The following GRIP1 variants were observed in gnomAD, a reference collection of about 807,000 sequenced individuals.
The protein encoded by GRIP1 is glutamate receptor interacting protein 1.
In GRIP1, 45 loss-of-function variants were observed where a neutral mutation model predicts 129.9. The ratio of observed to expected loss-of-function variants is 0.35; its 90% CI spans 0.27 to 0.44. The LOEUF is 0.44. GRIP1 is among the 20% of genes least tolerant of loss of function. The pLI is 1.00. For missense variants in GRIP1, 1,196 were observed against 1,396.8 expected (o/e 0.86, Z 2.29); for synonymous variants, 530 against 520.8 (o/e 1.02, Z -0.24).
At chr12:66,401,609 T>TATATATATACACACACAC (rs1169241331) in intron 16 of GRIP1, among the ~76,000 whole-genome samples, 13 of 110,188 alleles carry the variant, frequency 1.2e-4, no homozygotes, top group African/African-American at 3.7e-4. Flanking sequence ...TATATATATA[T>TATATATATACACACACAC]ACACACACAC....
chr12:66,898,650 A>G (rs1231388472), intron 1 of GRIP1, among the ~76,000 whole-genome samples: 3 of 152,196 alleles, frequency 2.0e-5, no homozygotes, highest in Admixed American at 1.3e-4. Context: ...CTTTCATAAG[A>G]GAAAGAGATT....
intron 1 of GRIP1, among the ~76,000 whole-genome samples, chr12:67,021,188 T>C (rs1437756507): frequency 6.6e-6 from 1 of 152,160 alleles, no homozygotes; most frequent in African/African-American, 2.4e-5. Flanking sequence ...CAAGATGGAA[T>C]TGGATATCCA....
intron 13 of GRIP1, among the ~76,000 whole-genome samples, chr12:66,442,357 G>A (rs2058493835): frequency 1.3e-5 from 2 of 151,838 alleles, no homozygotes; most frequent in African/African-American, 2.4e-5. Flanking sequence ...TCCCTAGCAC[G>A]CCTCTTCCGA....
intron 1 of GRIP1, among the ~76,000 whole-genome samples, chr12:66,641,109 A>T (rs1268097541): frequency 6.6e-6 from 1 of 152,250 alleles, no homozygotes; most frequent in East Asian, 1.9e-4. Flanking sequence ...TTTATCTGAC[A>T]TGCTGAGGTA....
At chr12:67,015,013 T>C (rs966460172) in intron 1 of GRIP1, among the ~76,000 whole-genome samples, 1 of 152,166 alleles carries the variant, frequency 6.6e-6, no homozygotes, top group African/African-American at 2.4e-5. Context: ...AAAATAAATA[T>C]TCACTTCTCC....
chr12:67,061,325 T>C (rs1342262733), intron 1 of GRIP1, among the ~76,000 whole-genome samples: 2 of 152,190 alleles, frequency 1.3e-5, no homozygotes, highest in African/African-American at 4.8e-5. Flanking sequence ...ATTAATAGCT[T>C]TCACCTCTAA....
chr12:66,757,807 A>G (rs2037343907), intron 1 of GRIP1, among the ~76,000 whole-genome samples: 1 of 152,180 alleles, frequency 6.6e-6, no homozygotes, highest in African/African-American at 2.4e-5. Flanking sequence ...GTAAGACGAT[A>G]TCTCACTGTA....
At chr12:66,740,503 T>C (rs1373984364) in intron 1 of GRIP1, among the ~76,000 whole-genome samples, 1 of 152,230 alleles carries the variant, frequency 6.6e-6, no homozygotes, top group Non-Finnish European at 1.5e-5. Context: ...ATGGCATAGA[T>C]GGTTTGAAAC....
At chr12:66,778,299 A>G (rs1257970176) in intron 1 of GRIP1, among the ~76,000 whole-genome samples, 1 of 152,198 alleles carries the variant, frequency 6.6e-6, no homozygotes, top group East Asian at 1.9e-4. Context: ...TATTATTAAA[A>G]GTGGCAAAAA....
intron 20 of GRIP1, among the ~76,000 whole-genome samples, chr12:66,377,668 A>C (rs1440291479): frequency 1.3e-4 from 18 of 134,588 alleles, no homozygotes; most frequent in Non-Finnish European, 2.1e-4. Context: ...GATTCAGAAT[A>C]TCTCTCCTTC....
In GRIP1 at chr12:66,348,707, T is replaced by G. The variant is rs756415022; in HGVS notation, c.*312A>C. ...AACAGATGTTTCTCTTTTTAAAAAG[T>G]GATAGTAAGATGAACTTGTAAAAAA... On this transcript the variant is annotated 3_prime_UTR_variant, in exon 25 of 25. Coordinates refer to ENST00000359742, the MANE Select transcript of GRIP1 (RefSeq NM_001366722.1). 3.0e-6 allele frequency: 1 copy of G among 334,830 alleles called. No individual in the cohort carries two copies. Among genetic ancestry groups the G allele is most frequent in the Non-Finnish European group, 5.5e-6 (1 of 181,158 alleles). The allele number at this position is 334,830 out of a possible 1,614,324, so 20.7% of individuals were successfully genotyped here.
At chr12:66,981,213 G>A (rs2042238366) in intron 1 of GRIP1, among the ~76,000 whole-genome samples, 1 of 152,198 alleles carries the variant, frequency 6.6e-6, no homozygotes, top group Non-Finnish European at 1.5e-5. Context: ...TGATCTACAA[G>A]CTGGAAGTGA....
chr12:67,023,158 T>C (rs2052878702), intron 1 of GRIP1, among the ~76,000 whole-genome samples: 1 of 152,188 alleles, frequency 6.6e-6, no homozygotes, highest in Non-Finnish European at 1.5e-5. Context: ...TTAATTTGTG[T>C]GTGTTTAGAT....
intron 7 of GRIP1, 79 bp from the exon 8 acceptor site, chr12:66,465,501 T>C: frequency 5.9e-6 from 7 of 1,196,540 alleles, no homozygotes; most frequent in Admixed American, 5.6e-5. Flanking sequence ...TGAAGAATAT[T>C]CAGTTTGGTG....
intron 5 of GRIP1, among the ~76,000 whole-genome samples, chr12:66,526,080 C>T (rs1336849880): frequency 6.6e-6 from 1 of 151,824 alleles, no homozygotes; most frequent in African/African-American, 2.4e-5. Context: ...TAGGAAGAAT[C>T]AACGTGAAAA....
intron 5 of GRIP1, among the ~76,000 whole-genome samples, chr12:66,519,090 T>A (rs1321776770): frequency 6.6e-6 from 1 of 150,616 alleles, no homozygotes; most frequent in Non-Finnish European, 1.5e-5. Flanking sequence ...CAGATGGACA[T>A]TTCCCAAACC....
intron 5 of GRIP1, among the ~76,000 whole-genome samples, chr12:66,523,848 C>G (rs1381015862): frequency 6.6e-6 from 1 of 151,720 alleles, no homozygotes; most frequent in Non-Finnish European, 1.5e-5. Flanking sequence ...ACCAAGCAAA[C>G]AGAAAACAAA....
At chr12:66,608,070 T>C (rs2064617770) in intron 1 of GRIP1, among the ~76,000 whole-genome samples, 1 of 152,162 alleles carries the variant, frequency 6.6e-6, no homozygotes. Flanking sequence ...GGGAATAACA[T>C]ATTTCATACA....
At chr12:66,664,509 G>T (rs905176727) in intron 1 of GRIP1, among the ~76,000 whole-genome samples, 4 of 152,082 alleles carry the variant, frequency 2.6e-5, no homozygotes, top group Non-Finnish European at 5.9e-5. Context: ...AGCTTCCCCT[G>T]CCTAACCCTC....
Sources: gnomAD v4.1 joint callset for allele counts (sites outside exome capture counted in the v4.1 genomes callset) on GRCh38, gnomAD v4.1.1 for gene constraint, MANE v1.5 for transcripts, NCBI Gene and HGNC (gene_info 2026-07-23, HGNC 2026-07-21) for gene names.